SUGT1: variants seen among roughly 807,000 people sequenced by gnomAD.
SUGT1 encodes SGT1 assembly cochaperone of MIS12 kinetochore complex, also known as protein SGT1 homolog.
In SUGT1, 15 loss-of-function variants were observed where a neutral mutation model predicts 56.1. The ratio of observed to expected loss-of-function variants is 0.27; its 90% confidence interval spans 0.18 to 0.41. The LOEUF (loss-of-function observed/expected upper bound fraction) is 0.41. SUGT1 is among the 10% of genes least tolerant of loss of function. The pLI, the probability that SUGT1 is intolerant of heterozygous loss-of-function variation, is 1.00. For missense variants in SUGT1, 347 were observed against 382.2 expected (o/e 0.91, Z 0.77); for synonymous variants, 123 against 128.6 (o/e 0.96, Z 0.30).
chr13:52,697,448 G>GT lies in SUGT1; in HGVS notation c.*9614dup, dbSNP rs1285358425. 4 of 152,202 alleles carry GT rather than the reference G, an allele frequency of 2.6e-5. No homozygotes were observed. Among genetic ancestry groups the GT allele is most frequent in the African/African-American group, 9.6e-5 (4 of 41,454 alleles). 9.4% of individuals were successfully genotyped at this position (152,202 alleles called of 1,614,324 possible). On this transcript the variant is annotated 3_prime_UTR_variant, in exon 13 of 13. Coordinates refer to ENST00000310528, the MANE Select transcript of SUGT1 (RefSeq NM_006704.5). Reference sequence around the variant, plus strand: ...AGAGGCCAGATCTTAAAAGCCAGGAGTGGAATTAGGTTTGAGCATATGTAG... The same window carrying GT: ...AGAGGCCAGATCTTAAAAGCCAGGAGTTGGAATTAGGTTTGAGCATATGTAG...
chr13:52,661,816 C>T (rs1209790790), intron 5 of SUGT1, among the ~76,000 whole-genome samples: 2 of 151,948 alleles, frequency 1.3e-5, no homozygotes, highest in African/African-American at 4.8e-5. Flanking sequence ...TTTATTAATG[C>T]TGGTATAGTT....
rs1963901263 is a variant in SUGT1 at position 52,695,411 on chromosome 13, GT to G, written c.*7577del. On this transcript the variant is annotated 3_prime_UTR_variant, in exon 13 of 13. Transcript: ENST00000310528. ...TCCCAGTTCTGATACTTTCATAATT[GT>G]GTGTTTTGAGGGCAAGTGACTTATC... 1 of 152,038 alleles carries G rather than the reference GT, an allele frequency of 6.6e-6. No individual in the cohort carries two copies. The highest frequency in any genetic ancestry group is 2.4e-5 in the African/African-American group (1 of 41,394). 9.4% of individuals were successfully genotyped at this position (152,038 alleles called of 1,614,324 possible). A position where few individuals can be genotyped will look rare whatever the true frequency, so the allele number is the denominator to read the frequency against.
At chr13:52,652,995 C>T (rs1961977163) in intron 1 of SUGT1, 37 bp downstream of exon 1, 3 of 1,614,046 alleles carry the variant, frequency 1.9e-6, no homozygotes, top group Non-Finnish European at 2.5e-6. Context: ...TTTATTTTAT[C>T]CCCCTTTCCT....
intron 7 of SUGT1, among the ~76,000 whole-genome samples, chr13:52,663,580 C>G (rs1392593702): frequency 6.6e-6 from 1 of 152,168 alleles, no homozygotes; most frequent in East Asian, 1.9e-4. Context: ...GCAATCTTCC[C>G]ACCTCAGCCT....
chr13:52,677,899 GC>G (rs1963213234), intron 11 of SUGT1, among the ~76,000 whole-genome samples: 1 of 152,114 alleles, frequency 6.6e-6, no homozygotes, highest in Non-Finnish European at 1.5e-5. Flanking sequence ...AAAGATCAAG[GC>G]TTTTTAGTGT....
chr13:52,679,708 G>A (rs1205609500), intron 11 of SUGT1, among the ~76,000 whole-genome samples: 1 of 152,000 alleles, frequency 6.6e-6, no homozygotes, highest in Non-Finnish European at 1.5e-5. Flanking sequence ...ATCTAATTTT[G>A]TATAGCATAT....
intron 10 of SUGT1, among the ~76,000 whole-genome samples, chr13:52,668,826 G>A (rs1962819580): frequency 7.2e-6 from 1 of 139,028 alleles, no homozygotes; most frequent in Non-Finnish European, 1.5e-5. Context: ...GTGAGACTCT[G>A]TCTCAAAAAA....
intron 5 of SUGT1, among the ~76,000 whole-genome samples, chr13:52,660,170 G>A (rs1962375140): frequency 6.6e-6 from 1 of 152,002 alleles, no homozygotes; most frequent in Non-Finnish European, 1.5e-5. Context: ...CTAAGAGGTT[G>A]TGAGTAATTT....
At chr13:52,659,814 A>ATATATATTT (rs1555271105) in intron 5 of SUGT1, among the ~76,000 whole-genome samples, 1 of 58,726 alleles carries the variant, frequency 1.7e-5, no homozygotes, top group African/African-American at 7.4e-5. Flanking sequence ...ATATATATAT[A>ATATATATTT]TTTTTTTTTT....
rs1355689293 is a variant in SUGT1 at position 52,658,582 on chromosome 13, A to G, written c.257+114A>G. 1.2e-5 allele frequency: 11 copies of G among 917,664 alleles called. No homozygotes were observed. In the Admixed American group the frequency reaches 2.2e-4, roughly 18 times the overall value. 56.8% of individuals were successfully genotyped at this position (917,664 alleles called of 1,614,324 possible). On this transcript the variant is annotated intron_variant, in intron 4 of 12. Transcript: ENST00000310528. ...TTGTAAAATTCTGTATTTATACATT[A>G]TATAGCAGAGATATGATTCAATTTT...
chr13:52,699,851 G>C lies in SUGT1; in HGVS notation c.*12016G>C, dbSNP rs1419276337. The C allele has an allele frequency of 6.6e-6, 1 of 152,176 alleles. No homozygotes were observed. The highest frequency in any genetic ancestry group is 1.5e-5 in the Non-Finnish European group (1 of 68,018). 9.4% of individuals were successfully genotyped at this position (152,176 alleles called of 1,614,324 possible). A position where few individuals can be genotyped will look rare whatever the true frequency, so the allele number is the denominator to read the frequency against. On this transcript the variant is annotated 3_prime_UTR_variant, in exon 13 of 13. Transcript: ENST00000310528. ...TGTTTTTTTAAAAAAGTAATTTCAA[G>C]TAAGTTTGCAAATGCAATGCTAGTA...
In SUGT1 at chr13:52,696,470, A is replaced by G. The variant is rs1439365545; in HGVS notation, c.*8635A>G. The G allele has an allele frequency of 6.6e-6, 1 of 152,158 alleles. No individual in the cohort carries two copies. Among genetic ancestry groups the G allele is most frequent in the Non-Finnish European group, 1.5e-5 (1 of 68,042 alleles). 9.4% of individuals were successfully genotyped at this position (152,158 alleles called of 1,614,324 possible). On this transcript the variant is annotated 3_prime_UTR_variant, in exon 13 of 13. Transcript: ENST00000310528. The stretch of plus-strand genomic sequence containing the variant: ...TTGGTCAGTTAGTGTTATTTACTTA[A>G]GCTTTGGATCTTTGATACATAGCGT...
chr13:52,665,764 A>C, intron 9 of SUGT1, 31 bp downstream of exon 9: 1 of 1,475,682 alleles, frequency 6.8e-7, no homozygotes. Flanking sequence ...TTCAATGTTG[A>C]TTACTATTAT....
chr13:52,653,598 T>TG (rs1259527776), intron 2 of SUGT1, among the ~76,000 whole-genome samples: 1 of 151,862 alleles, frequency 6.6e-6, no homozygotes, highest in Non-Finnish European at 1.5e-5. Flanking sequence ...TTCATCAAAA[T>TG]TTTTTTTTGG....
intron 5 of SUGT1, chr13:52,661,588 C>G (rs777657991): frequency 2.4e-6 from 1 of 414,596 alleles, no homozygotes; most frequent in South Asian, 1.7e-5. Flanking sequence ...CCACCATGCC[C>G]GGCCAAAATC....
At chr13:52,685,603 T>G (rs1297880022) in intron 12 of SUGT1, among the ~76,000 whole-genome samples, 1 of 152,188 alleles carries the variant, frequency 6.6e-6, no homozygotes, top group Non-Finnish European at 1.5e-5. Flanking sequence ...AGATAGAATC[T>G]GAACTCATTT....
rs1043919550 is a variant in SUGT1 at position 52,699,301 on chromosome 13, G to A, written c.*11466G>A. On this transcript the variant is annotated 3_prime_UTR_variant, in exon 13 of 13. Coordinates refer to ENST00000310528, the MANE Select transcript of SUGT1 (RefSeq NM_006704.5). ...TGTTTCAATCAAAGTGAAACAAAATGAGAATAACTATTTGGGCAAAACACT... is the reference window on the plus strand; with the variant it reads ...TGTTTCAATCAAAGTGAAACAAAATAAGAATAACTATTTGGGCAAAACACT... The A allele has an allele frequency of 6.6e-6, 1 of 152,110 alleles. No homozygotes were observed. Among genetic ancestry groups the A allele is most frequent in the Non-Finnish European group, 1.5e-5 (1 of 68,020 alleles). The allele number at this position is 152,110 out of a possible 1,614,324, so 9.4% of individuals were successfully genotyped here.
intron 6 of SUGT1, 38 bp downstream of exon 6, chr13:52,662,740 A>G: frequency 6.3e-7 from 1 of 1,594,248 alleles, no homozygotes; most frequent in Non-Finnish European, 8.5e-7. Flanking sequence ...TCAATTTAAA[A>G]AGAAGTAAAC....
chr13:52,668,932 ACCT>A (rs1962825077), intron 10 of SUGT1, among the ~76,000 whole-genome samples: 2 of 152,204 alleles, frequency 1.3e-5, no homozygotes, highest in East Asian at 3.9e-4. Flanking sequence ...TTACTGAGCC[ACCT>A]CCTATAGTGG....
Sources: allele counts gnomAD v4.1 joint callset (sites outside exome capture counted in the v4.1 genomes callset), GRCh38; gene constraint gnomAD v4.1.1; transcripts MANE v1.5; gene names NCBI Gene and HGNC (gene_info 2026-07-23, HGNC 2026-07-21).